Variants in MACROD2 observed in about 807,000 individuals in gnomAD.
MACROD2 encodes mono-ADP ribosylhydrolase 2, also known as ADP-ribose glycohydrolase MACROD2.
Under a neutral mutation model 70.4 loss-of-function variants are expected in MACROD2, and 36 were observed. The observed-to-expected ratio is 0.51, with a 90% CI of 0.39 to 0.68. MACROD2 has a LOEUF of 0.68. MACROD2 is among the 30% of genes least tolerant of loss of function. The probability of loss-of-function intolerance (pLI) is 0.00; values close to 1 mark genes in which losing one functional copy is unlikely to be tolerated. For missense variants in MACROD2, 496 were observed against 538.4 expected (o/e 0.92, Z 0.78); for synonymous variants, 172 against 178.8 (o/e 0.96, Z 0.30).
At chr20:16,046,481 ACCCTTTTG>A (rs2067383061) in intron 17 of MACROD2, among the ~76,000 whole-genome samples, 1 of 151,724 alleles carries the variant, frequency 6.6e-6, no homozygotes, top group South Asian at 2.1e-4. Flanking sequence ...CTTTCCTTTT[ACCCTTTTG>A]CTGCCAATAA....
At chr20:14,114,454 G>T (rs969093611) in intron 3 of MACROD2, among the ~76,000 whole-genome samples, 2 of 152,140 alleles carry the variant, frequency 1.3e-5, no homozygotes. Flanking sequence ...AGATGACAGA[G>T]TGATTGATTG....
Position 14,068,341 on chromosome 20 carries a change from T to A in MACROD2, c.164-17280T>A, listed in dbSNP as rs116724855. ...AGGGAAAATCAAGGAAACCTTCATA[T>A]AAGGATCTCATATTTGAGTGTAAGC... On this transcript the variant is annotated intron_variant, in intron 2 of 17. Transcript: ENST00000684519. 4.7e-3 allele frequency among the ~76,000 whole-genome samples: 706 copies of A among 150,398 alleles called. 7 individuals are homozygous for A. The highest frequency in any genetic ancestry group is 0.017 in the African/African-American group (671 of 40,538).
rs78578693 is a variant in MACROD2 at position 14,744,930 on chromosome 20, G to T, written c.418+59971G>T. ...AAGTAAGAAACGTTTGTTTTTTTCA[G>T]CCACTAAGTTTTGGGATGATGTGTT... On this transcript the variant is annotated intron_variant, in intron 5 of 17. Transcript: ENST00000684519. Among the ~76,000 whole-genome samples, 10 of 152,146 alleles carry T rather than the reference G, an allele frequency of 6.6e-5. No individual in the cohort carries two copies. In the East Asian group the frequency reaches 1.9e-3, roughly 29 times the overall value.
At chr20:15,357,977 T>A (rs866864307) in intron 6 of MACROD2, among the ~76,000 whole-genome samples, 1 of 152,044 alleles carries the variant, frequency 6.6e-6, no homozygotes, top group African/African-American at 2.4e-5. Flanking sequence ...CGGCTAATTT[T>A]TTTTGTATTT....
At chr20:15,912,645 C>T (rs1431452720) in intron 10 of MACROD2, among the ~76,000 whole-genome samples, 1 of 152,058 alleles carries the variant, frequency 6.6e-6, no homozygotes, top group Non-Finnish European at 1.5e-5. Flanking sequence ...AGTTGGTTAT[C>T]GGTGAAACAT....
At chr20:15,215,349 C>T (rs1035450005) in intron 5 of MACROD2, among the ~76,000 whole-genome samples, 13 of 143,378 alleles carry the variant, frequency 9.1e-5, no homozygotes, top group Non-Finnish European at 1.5e-4. Context: ...AAATAAAATC[C>T]TACCTTTTAA....
chr20:15,600,846 T>G (rs2048810251), intron 8 of MACROD2, among the ~76,000 whole-genome samples: 1 of 152,180 alleles, frequency 6.6e-6, no homozygotes, highest in African/African-American at 2.4e-5. Context: ...AATATATATA[T>G]TATTGCTAGA....
intron 8 of MACROD2, among the ~76,000 whole-genome samples, chr20:15,838,785 TA>T: frequency 6.6e-6 from 1 of 152,316 alleles, no homozygotes; most frequent in Middle Eastern, 3.4e-3. Flanking sequence ...CTGAACCTTT[TA>T]AATAAATACA....
intron 8 of MACROD2, among the ~76,000 whole-genome samples, chr20:15,606,258 C>T (rs2048891481): frequency 1.3e-5 from 2 of 152,158 alleles, no homozygotes; most frequent in African/African-American, 4.8e-5. Context: ...TGGATGGCCC[C>T]ACTCTCGACT....
intron 6 of MACROD2, among the ~76,000 whole-genome samples, chr20:15,239,733 T>A (rs751898621): frequency 1.3e-5 from 2 of 152,136 alleles, no homozygotes; most frequent in Non-Finnish European, 2.9e-5. Context: ...ATGACTCACA[T>A]TGACTCAAGG....
chr20:14,022,440 CTTT>C (rs144434682), intron 2 of MACROD2, among the ~76,000 whole-genome samples: 1 of 133,308 alleles, frequency 7.5e-6, no homozygotes, highest in Non-Finnish European at 1.6e-5. Context: ...GAGCCCAATT[CTTT>C]TTTTTTTTTT....
chr20:15,074,862 C>T (rs2075646395), intron 5 of MACROD2, among the ~76,000 whole-genome samples: 1 of 152,152 alleles, frequency 6.6e-6, no homozygotes. Flanking sequence ...AGCAGGCATT[C>T]ATATGGAATG....
intron 4 of MACROD2, among the ~76,000 whole-genome samples, chr20:14,674,562 G>A (rs1224036789): frequency 6.6e-6 from 1 of 152,126 alleles, no homozygotes; most frequent in Non-Finnish European, 1.5e-5. Context: ...TTAAATGGTG[G>A]CACTAGGATT....
At chr20:16,047,992 C>T (rs182023676) in intron 17 of MACROD2, among the ~76,000 whole-genome samples, 74 of 152,194 alleles carry the variant, frequency 4.9e-4, no homozygotes, top group African/African-American at 1.6e-3. Flanking sequence ...AGATAGAAAC[C>T]GCAAATACAC....
At chr20:14,874,285 G>GATTTATTT (rs1555842145) in intron 5 of MACROD2, among the ~76,000 whole-genome samples, 31 of 134,538 alleles carry the variant, frequency 2.3e-4, no homozygotes, top group Middle Eastern at 4.0e-3. Flanking sequence ...ATCAAATGGA[G>GATTTATTT]ATTCATTTAT....
chr20:15,999,832 T>C (rs1031548303), intron 15 of MACROD2, among the ~76,000 whole-genome samples: 3 of 152,214 alleles, frequency 2.0e-5, no homozygotes, highest in African/African-American at 7.2e-5. Context: ...AAAGCTAGAA[T>C]GGTGGTGCAG....
intron 12 of MACROD2, among the ~76,000 whole-genome samples, chr20:15,946,998 G>C (rs1460325447): frequency 6.6e-6 from 1 of 152,172 alleles, no homozygotes; most frequent in African/African-American, 2.4e-5. Context: ...ACATAGGCCA[G>C]ATTTATGCTT....
chr20:15,353,999 G>A (rs756857115), intron 6 of MACROD2, among the ~76,000 whole-genome samples: 1 of 147,386 alleles, frequency 6.8e-6, no homozygotes, highest in Non-Finnish European at 1.5e-5. Context: ...CCCATTACTG[G>A]GTATATACCC....
intron 8 of MACROD2, among the ~76,000 whole-genome samples, chr20:15,538,428 C>T (rs1179487661): frequency 2.6e-5 from 4 of 152,182 alleles, no homozygotes; most frequent in Admixed American, 2.6e-4. Context: ...GAGGGTGATT[C>T]TATTAACCCC....
Sources: allele counts gnomAD v4.1 joint callset (sites outside exome capture counted in the v4.1 genomes callset), GRCh38; gene constraint gnomAD v4.1.1; transcripts MANE v1.5; gene names NCBI Gene and HGNC (gene_info 2026-07-23, HGNC 2026-07-21).